Variants in PFKFB3 observed in about 807,000 individuals in gnomAD.
PFKFB3 encodes 6-phosphofructo-2-kinase/fructose-2,6-biphosphatase 3.
In PFKFB3, 33 loss-of-function variants were observed where a neutral mutation model predicts 68.0. The observed-to-expected ratio is 0.49, with a 90% confidence interval of 0.37 to 0.65. PFKFB3 has a LOEUF of 0.65. PFKFB3 is among the 30% of genes least tolerant of loss of function. The pLI, the probability that PFKFB3 is intolerant of heterozygous loss-of-function variation, is 0.00. For missense variants in PFKFB3, 586 were observed against 712.2 expected (o/e 0.82, Z 2.02); for synonymous variants, 315 against 288.2 (o/e 1.09, Z -0.94).
intron 13 of PFKFB3, among the ~76,000 whole-genome samples, chr10:6,224,883 C>A (rs1845224562): frequency 6.6e-6 from 1 of 151,768 alleles, no homozygotes; most frequent in Admixed American, 6.6e-5. Flanking sequence ...CTGTTTCAAA[C>A]AGGATCAGCA....
the PFKFB3 span, among the ~76,000 whole-genome samples, chr10:6,311,003 G>GA: frequency 2.6e-5 from 4 of 151,688 alleles, no homozygotes; most frequent in East Asian, 5.8e-4. Flanking sequence ...AGTTAAAAGA[G>GA]AAAAAAAACC....
chr10:6,205,388 CTTTTTT>C lies in PFKFB3; in HGVS notation c.76+2069_76+2074del, dbSNP rs3084014. 1.3e-3 allele frequency among the ~76,000 whole-genome samples: 139 copies of C among 106,518 alleles called. 1 individual carries two copies. Among genetic ancestry groups the C allele is most frequent in the Middle Eastern group, 6.8e-3 (1 of 148 alleles). 69.9% of individuals were successfully genotyped at this position (106,518 alleles called of 152,430 possible). ...ACATTGGGTGGGTTTTTCTTTCTTC[CTTTTTT>C]TTTTTTTTTTTTTTTTGACATGGCG... On this transcript the variant is annotated intron_variant, in intron 1 of 14. Coordinates refer to ENST00000379775, the MANE Select transcript of PFKFB3 (RefSeq NM_004566.4).
chr10:6,210,282 G>T lies in PFKFB3; in HGVS notation c.77-3341G>T, dbSNP rs2131910491. Among the ~76,000 whole-genome samples, 2 of 119,098 alleles carry T rather than the reference G, an allele frequency of 1.7e-5. 1 individual carries two copies. Among genetic ancestry groups the T allele is most frequent in the South Asian group, 6.3e-4 (2 of 3,180 alleles). 78.1% of individuals were successfully genotyped at this position (119,098 alleles called of 152,430 possible). On this transcript the variant is annotated intron_variant, in intron 1 of 14. Transcript: ENST00000379775. The stretch of plus-strand genomic sequence containing the variant: ...GATTACCCCATCTGTCCAAGACAGT[G>T]GTGGGTGTCTGAAGGGAGGGACAGG...
intron 1 of PFKFB3, chr10:6,149,995 G>A (rs1219741506): frequency 6.6e-6 from 1 of 152,296 alleles, no homozygotes; most frequent in East Asian, 1.9e-4. Context: ...GGACACCTAG[G>A]TTGATTCCAT....
At chr10:6,156,010 C>A (rs548593290) in intron 1 of PFKFB3, among the ~76,000 whole-genome samples, 21 of 152,072 alleles carry the variant, frequency 1.4e-4, no homozygotes, top group Non-Finnish European at 2.8e-4. Context: ...CAACCCTCAC[C>A]CCCGCTGCCA....
chr10:6,250,094 C>T (rs1345201817), intron 14 of PFKFB3, among the ~76,000 whole-genome samples: 2 of 152,132 alleles, frequency 1.3e-5, no homozygotes, highest in African/African-American at 4.8e-5. Context: ...ACTCCTACTA[C>T]AGGGAAAGTG....
At chr10:6,319,724 G>T in the PFKFB3 span, among the ~76,000 whole-genome samples, 4 of 151,266 alleles carry the variant, frequency 2.6e-5, no homozygotes, top group African/African-American at 9.7e-5. Flanking sequence ...ATTAAAAAAT[G>T]GACAAAAATT....
At chr10:6,178,908 C>T (rs902477390) in intron 1 of PFKFB3, among the ~76,000 whole-genome samples, 4 of 152,202 alleles carry the variant, frequency 2.6e-5, no homozygotes, top group African/African-American at 9.7e-5. Context: ...TGTCCCCAAC[C>T]CAGTTCCCGT....
rs1289540406 is a variant in PFKFB3 at position 6,233,145 on chromosome 10, G to A, written c.*203G>A. The A allele has an allele frequency of 1.8e-6, 1 of 558,962 alleles. No homozygotes were observed. Among genetic ancestry groups the A allele is most frequent in the Non-Finnish European group, 3.2e-6 (1 of 311,594 alleles). 34.6% of individuals were successfully genotyped at this position (558,962 alleles called of 1,614,324 possible). A position where few individuals can be genotyped will look rare whatever the true frequency, so the allele number is the denominator to read the frequency against. ...ACACCAGAAAGCCACGTGGGTCCCT[G>A]GCGCCCTGCCTTTAGCCGTGGGGCC... On this transcript the variant is annotated 3_prime_UTR_variant, in exon 15 of 15. Coordinates refer to ENST00000379775, the MANE Select transcript of PFKFB3 (RefSeq NM_004566.4).
downstream of PFKFB3, among the ~76,000 whole-genome samples, chr10:6,256,317 G>A (rs1359534917): frequency 6.6e-6 from 1 of 152,150 alleles, no homozygotes; most frequent in African/African-American, 2.4e-5. Flanking sequence ...GGAAGTGGCA[G>A]GTCACTCAAG....
chr10:6,246,523 G>C (rs1293947124), intron 14 of PFKFB3, among the ~76,000 whole-genome samples: 1 of 151,502 alleles, frequency 6.6e-6, no homozygotes, highest in African/African-American at 2.4e-5. Context: ...AAAATTTTTA[G>C]TAGAGATGGG....
In PFKFB3 at chr10:6,228,197, C is replaced by G. The variant is rs1845484720; in HGVS notation, c.1515+1832C>G. ...TCTCTCTCTGCTTCTCCTCCGCAGC[C>G]TTTGCTAGGGCAAGCCTGTCTGTAA... On this transcript the variant is annotated intron_variant, in intron 14 of 14. Transcript: ENST00000379775. The surrounding 1 kb of genome is among the most constrained non-coding windows in gnomAD (Gnocchi z 4.5). The G allele has an allele frequency of 6.2e-6, 10 of 1,612,822 alleles. No homozygotes were observed. The highest frequency in any genetic ancestry group is 8.5e-6 in the Non-Finnish European group (10 of 1,179,896).
chr10:6,256,097 C>T (rs1200736610), downstream of PFKFB3, among the ~76,000 whole-genome samples: 1 of 152,218 alleles, frequency 6.6e-6, no homozygotes, highest in Admixed American at 6.5e-5. Context: ...CCGCCCCCGG[C>T]CCCATCACAG....
the PFKFB3 span, among the ~76,000 whole-genome samples, chr10:6,283,845 A>C: frequency 9.3e-3 from 1,421 of 152,250 alleles, 25 homozygotes; most frequent in African/African-American, 0.032. Context: ...TCCAGGATCC[A>C]ATCAGATTGG....
intron 14 of PFKFB3, among the ~76,000 whole-genome samples, chr10:6,241,795 G>T (rs1354001778): frequency 1.3e-5 from 2 of 150,438 alleles, no homozygotes; most frequent in South Asian, 2.1e-4. Flanking sequence ...TATTTGTATT[G>T]TGGTGTTCTA....
the PFKFB3 span, among the ~76,000 whole-genome samples, chr10:6,298,798 G>T: frequency 6.6e-6 from 1 of 152,176 alleles, no homozygotes; most frequent in East Asian, 1.9e-4. Flanking sequence ...GCACCCCAAC[G>T]CAGGTGCTCC....
At chr10:6,204,975 G>T (rs1843588069) in intron 1 of PFKFB3, among the ~76,000 whole-genome samples, 1 of 152,206 alleles carries the variant, frequency 6.6e-6, no homozygotes, top group South Asian at 2.1e-4. Flanking sequence ...ACTCCAGCGT[G>T]CACCAAGGCG....
chr10:6,195,078 G>C (rs1249640191), intron 1 of PFKFB3, among the ~76,000 whole-genome samples: 1 of 152,014 alleles, frequency 6.6e-6, no homozygotes, highest in Admixed American at 6.6e-5. Context: ...CACCACATTG[G>C]TCAGTCTGGT....
intron 1 of PFKFB3, among the ~76,000 whole-genome samples, chr10:6,153,790 G>T (rs1467287126): frequency 6.6e-6 from 1 of 151,906 alleles, no homozygotes; most frequent in African/African-American, 2.4e-5. Context: ...GGGAGGTGAG[G>T]TTGCAGTGAG....
Sources: allele counts gnomAD v4.1 joint callset (sites outside exome capture counted in the v4.1 genomes callset), GRCh38; gene constraint gnomAD v4.1.1; non-coding constraint Gnocchi (gnomAD v3.1); transcripts MANE v1.5; gene names NCBI Gene and HGNC (gene_info 2026-07-23, HGNC 2026-07-21).